The following ADAM7 variants were observed in gnomAD, a reference collection of about 807,000 sequenced individuals.
ADAM7 encodes the protein ADAM metallopeptidase domain 7.
In ADAM7, 97 loss-of-function variants were observed where a neutral mutation model predicts 102.9. That is an observed-to-expected ratio of 0.94 (90% CI 0.80 to 1.12). ADAM7 has a LOEUF of 1.12. Among genes scored for constraint, ADAM7 ranks in the 50% most tolerant of loss-of-function variants. The pLI is 0.00. For missense variants in ADAM7, 991 were observed against 908.7 expected (o/e 1.09, Z -1.16); for synonymous variants, 334 against 304.4 (o/e 1.10, Z -1.01).
intron 12 of ADAM7, among the ~76,000 whole-genome samples, chr8:24,489,920 A>G (rs552851864): frequency 6.6e-6 from 1 of 152,354 alleles, no homozygotes; most frequent in Non-Finnish European, 1.5e-5. Flanking sequence ...TATGTCTTCT[A>G]GACAACTGCC....
intron 9 of ADAM7, among the ~76,000 whole-genome samples, chr8:24,484,555 T>A (rs866606007): frequency 1.3e-5 from 2 of 152,184 alleles, no homozygotes; most frequent in Non-Finnish European, 2.9e-5. Flanking sequence ...TGATTAAAAG[T>A]CTTAACATTT....
chr8:24,454,907 A>T (rs1818971382), intron 3 of ADAM7, among the ~76,000 whole-genome samples: 1 of 152,188 alleles, frequency 6.6e-6, no homozygotes, highest in Admixed American at 6.5e-5. Flanking sequence ...ATCAGATTGT[A>T]CATTCATTCT....
chr8:24,489,323 G>C lies in ADAM7; in HGVS notation c.1256G>C (p.Gly419Ala), dbSNP rs1820254854. ...GATGAGGGTGAAGAGTGTGACTGTG[G>C]CCCTGCTCAGGTATTTGCAAATGAA... Reference protein sequence around the residue: ...KLDEGEECDCGPAQECTNPCC... With the variant: ...KLDEGEECDCAPAQECTNPCC... The change falls in exon 12 of 22, where the codon GGC (glycine) becomes GCC (alanine). Residue 419 changes from glycine to alanine, a missense_variant. Transcript: ENST00000175238. 6.2e-7 allele frequency: 1 copy of C among 1,609,726 alleles called. No individual in the cohort carries two copies. The highest frequency in any genetic ancestry group is 1.7e-5 in the Admixed American group (1 of 59,310).
In ADAM7 at chr8:24,500,829, T is replaced by C. The variant is rs200878566; in HGVS notation, c.2042T>C (p.Val681Ala). 1.9e-6 allele frequency: 3 copies of C among 1,613,476 alleles called. No individual in the cohort carries two copies. The highest frequency in any genetic ancestry group is 2.2e-5 in the East Asian group (1 of 44,844). ...ILVVVLVLVI[V>A]GIGVLILLVR... Reference sequence around the variant, plus strand: ...GTTGTTGTGCTTGTCCTGGTTATTGTCGGTATCGGAGTTCTTATACTATTA... The same window carrying C: ...GTTGTTGTGCTTGTCCTGGTTATTGCCGGTATCGGAGTTCTTATACTATTA... The change falls in exon 19 of 22, where the codon GTC becomes GCC. Residue 681 changes from valine (V) to alanine (A), a missense_variant. Val to Ala is a moderately conservative substitution (Grantham distance 64). Transcript: ENST00000175238.
intron 20 of ADAM7, among the ~76,000 whole-genome samples, chr8:24,504,053 TA>T (rs1392397752): frequency 4.2e-5 from 6 of 144,186 alleles, no homozygotes; most frequent in East Asian, 2.0e-4. Flanking sequence ...TAAAATAAAA[TA>T]AAATAAAATA....
intron 9 of ADAM7, among the ~76,000 whole-genome samples, chr8:24,483,432 T>C (rs907953357): frequency 8.5e-5 from 13 of 152,188 alleles, no homozygotes; most frequent in African/African-American, 3.1e-4. Flanking sequence ...ACCCATAATA[T>C]CGGTATTTCT....
intron 6 of ADAM7, among the ~76,000 whole-genome samples, 160 bp from the exon 7 acceptor site, chr8:24,468,607 T>A (rs1208194852): frequency 2.0e-5 from 3 of 152,184 alleles, no homozygotes; most frequent in African/African-American, 7.2e-5. Flanking sequence ...AGATCTCATT[T>A]AGATAAATTC....
At chr8:24,495,294 T>G (rs1820515972) in intron 16 of ADAM7, among the ~76,000 whole-genome samples, 1 of 152,108 alleles carries the variant, frequency 6.6e-6, no homozygotes, top group Non-Finnish European at 1.5e-5. Flanking sequence ...AATCTCTAGA[T>G]GCAACAACAA....
At chr8:24,454,024 G>T (rs982706106) in intron 3 of ADAM7, among the ~76,000 whole-genome samples, 2 of 152,190 alleles carry the variant, frequency 1.3e-5, no homozygotes, top group Non-Finnish European at 2.9e-5. Flanking sequence ...TTGTCTCAGA[G>T]GAGTACCCGG....
In ADAM7 at chr8:24,461,237, C is replaced by T. The variant is rs552184547; in HGVS notation, c.234-2645C>T. ...TCGATCTCCTGATCTCGTGATCCAC[C>T]CGCCTCAGCCTCCCAAAGTGTTCGG... On this transcript the variant is annotated intron_variant, in intron 3 of 21. Coordinates refer to ENST00000175238, the MANE Select transcript of ADAM7 (RefSeq NM_003817.4). Among the ~76,000 whole-genome samples the T allele has an allele frequency of 5.9e-5, 9 of 152,202 alleles. No individual in the cohort carries two copies. In the South Asian group the frequency reaches 1.9e-3, roughly 32 times the overall value.
intron 11 of ADAM7, among the ~76,000 whole-genome samples, chr8:24,488,357 CG>C (rs1450015089): frequency 1.4e-4 from 22 of 152,232 alleles, no homozygotes; most frequent in African/African-American, 5.3e-4. Context: ...TGAATCCCTT[CG>C]GAGCAGGTAT....
At chr8:24,482,081 TA>T in intron 8 of ADAM7, 60 bp from the exon 9 acceptor site, 2 of 1,211,622 alleles carry the variant, frequency 1.7e-6, no homozygotes, top group South Asian at 3.1e-5. Context: ...AGGAATATAG[TA>T]ATATTGAAGA....
At chr8:24,449,706 A>G (rs937087513) in intron 3 of ADAM7, among the ~76,000 whole-genome samples, 6 of 152,100 alleles carry the variant, frequency 3.9e-5, no homozygotes, top group African/African-American at 1.4e-4. Flanking sequence ...TTGGTGTTTT[A>G]GACATGAAGT....
chr8:24,476,409 T>C (rs945039579), intron 7 of ADAM7, 24 bp from the exon 8 acceptor site: 1 of 1,535,410 alleles, frequency 6.5e-7, no homozygotes, highest in Non-Finnish European at 8.9e-7. Flanking sequence ...TTAATGAATA[T>C]TAATATGATA....
At chr8:24,482,871 AG>A (rs1466101149) in intron 9 of ADAM7, among the ~76,000 whole-genome samples, 3 of 152,236 alleles carry the variant, frequency 2.0e-5, no homozygotes, top group African/African-American at 7.2e-5. Flanking sequence ...AAATGCCATT[AG>A]GTAAGCAAAG....
chr8:24,489,843 T>A (rs1024094007), intron 12 of ADAM7, among the ~76,000 whole-genome samples: 2 of 152,228 alleles, frequency 1.3e-5, no homozygotes, highest in Non-Finnish European at 2.9e-5. Context: ...AGGCAATTTT[T>A]AAAGTAATTC....
rs186438383 is a variant in ADAM7 at position 24,458,126 on chromosome 8, G to T, written c.234-5756G>T. On this transcript the variant is annotated intron_variant, in intron 3 of 21. Transcript: ENST00000175238. ...TTAGTATACTTTGAAGGCACAATGT[G>T]TAACTCTTCTAATCAGAATTGTTTA... 4.3e-3 allele frequency among the ~76,000 whole-genome samples: 651 copies of T among 152,250 alleles called. 3 individuals are homozygous for T. Among genetic ancestry groups the T allele is most frequent in the Non-Finnish European group, 6.2e-3 (422 of 68,026 alleles).
At chr8:24,461,331 T>C (rs973050100) in intron 3 of ADAM7, among the ~76,000 whole-genome samples, 2 of 43,186 alleles carry the variant, frequency 4.6e-5, no homozygotes, top group African/African-American at 8.6e-5. Flanking sequence ...TGACTGATGA[T>C]GTTCTCCTCT....
intron 2 of ADAM7, 53 bp from the exon 3 acceptor site, chr8:24,447,133 G>T: frequency 9.3e-7 from 1 of 1,073,478 alleles, no homozygotes; most frequent in South Asian, 1.7e-5. Context: ...ACTTGCTCCA[G>T]AACACACTAA....
Sources: gnomAD v4.1 joint callset for allele counts (sites outside exome capture counted in the v4.1 genomes callset) on GRCh38, gnomAD v4.1.1 for gene constraint, MANE v1.5 for transcripts, NCBI Gene and HGNC (gene_info 2026-07-23, HGNC 2026-07-21) for gene names.